ZRANB3: variants seen among roughly 807,000 people sequenced by gnomAD.
ZRANB3 encodes DNA annealing helicase and endonuclease ZRANB3.
ZRANB3 carries 125 observed loss-of-function variants against 133.8 expected under a neutral mutation model. The observed-to-expected ratio is 0.93, with a 90% confidence interval of 0.81 to 1.08. The LOEUF is 1.08. ZRANB3 is among the 50% of genes least tolerant of loss of function. ZRANB3 has a pLI of 0.00. For missense variants in ZRANB3, 1,229 were observed against 1,275.5 expected (o/e 0.96, Z 0.56); for synonymous variants, 387 against 432.7 (o/e 0.89, Z 1.31).
chr2:135,202,665 C>T (rs1693671691), intron 20 of ZRANB3, 167 bp downstream of exon 20: 3 of 699,608 alleles, frequency 4.3e-6, no homozygotes, highest in African/African-American at 3.6e-5. Context: ...GCATCTGTGA[C>T]ACGGGCCTTG....
chr2:135,367,928 T>A (rs1211263858), intron 3 of ZRANB3, among the ~76,000 whole-genome samples: 2 of 152,164 alleles, frequency 1.3e-5, no homozygotes, highest in Non-Finnish European at 2.9e-5. Context: ...TAACCAATAA[T>A]AACAGGTTAT....
chr2:135,213,437 A>C (rs1157540647), intron 17 of ZRANB3, among the ~76,000 whole-genome samples: 1 of 152,154 alleles, frequency 6.6e-6, no homozygotes, highest in Admixed American at 6.5e-5. Flanking sequence ...ATTCCAAATT[A>C]CTGAGACTTA....
chr2:135,287,462 T>G (rs1206158826), intron 8 of ZRANB3, among the ~76,000 whole-genome samples: 1 of 152,166 alleles, frequency 6.6e-6, no homozygotes. Context: ...TGAAGAATGA[T>G]GATGGTTATT....
chr2:135,446,240 G>C (rs1161992934), intron 2 of ZRANB3, among the ~76,000 whole-genome samples: 1 of 151,776 alleles, frequency 6.6e-6, no homozygotes, highest in African/African-American at 2.4e-5. Context: ...TTGTATGACA[G>C]AATCAACAGA....
At chr2:135,254,743 T>C (rs77111158) in intron 12 of ZRANB3, among the ~76,000 whole-genome samples, 16,469 of 152,126 alleles carry the variant, frequency 0.11, 1,142 homozygotes, top group South Asian at 0.32. Context: ...TGTTTAATTG[T>C]AGAACATTTT....
intron 6 of ZRANB3, among the ~76,000 whole-genome samples, chr2:135,325,662 T>A (rs757246946): frequency 2.6e-5 from 4 of 152,196 alleles, no homozygotes; most frequent in South Asian, 2.1e-4. Flanking sequence ...CCAAAAGTGC[T>A]GGGATTATGG....
At chr2:135,528,889 CAA>C (rs1455136419) in intron 1 of ZRANB3, among the ~76,000 whole-genome samples, 2 of 152,112 alleles carry the variant, frequency 1.3e-5, no homozygotes, top group Non-Finnish European at 2.9e-5. Context: ...AAAAACAATG[CAA>C]AGAGGAAAAC....
chr2:135,238,120 A>T (rs1695383892), intron 12 of ZRANB3, among the ~76,000 whole-genome samples: 1 of 152,224 alleles, frequency 6.6e-6, no homozygotes, highest in Non-Finnish European at 1.5e-5. Flanking sequence ...TAAGTAGGAT[A>T]CCTATCTCCA....
chr2:135,488,691 T>C (rs1692235213), intron 2 of ZRANB3, among the ~76,000 whole-genome samples: 2 of 151,412 alleles, frequency 1.3e-5, no homozygotes, highest in Admixed American at 1.3e-4. Context: ...GCACAATATA[T>C]ACAAAGCACA....
intron 11 of ZRANB3, among the ~76,000 whole-genome samples, chr2:135,268,072 A>ACTTCTGTTATTTAT (rs1680329977): frequency 6.6e-6 from 1 of 152,204 alleles, no homozygotes; most frequent in African/African-American, 2.4e-5. Flanking sequence ...TATGAGAAAT[A>ACTTCTGTTATTTAT]AATTTCTGTT....
chr2:135,447,033 C>A (rs570020967), intron 2 of ZRANB3, among the ~76,000 whole-genome samples: 2 of 151,676 alleles, frequency 1.3e-5, no homozygotes, highest in South Asian at 4.2e-4. Context: ...TTGTTTCAAC[C>A]CTTTTTATTT....
chr2:135,460,369 C>T (rs955746541), intron 2 of ZRANB3, among the ~76,000 whole-genome samples: 1 of 151,800 alleles, frequency 6.6e-6, no homozygotes, highest in African/African-American at 2.4e-5. Flanking sequence ...TCAAGCGATT[C>T]TCCTGCTTCA....
intron 12 of ZRANB3, among the ~76,000 whole-genome samples, chr2:135,231,996 C>T (rs180804911): frequency 2.0e-4 from 31 of 152,266 alleles, no homozygotes; most frequent in African/African-American, 7.0e-4. Flanking sequence ...GGCGAGGCAT[C>T]GACTCACCCG....
intron 8 of ZRANB3, among the ~76,000 whole-genome samples, chr2:135,283,553 G>T (rs1178621304): frequency 6.6e-6 from 1 of 151,094 alleles, no homozygotes; most frequent in Non-Finnish European, 1.5e-5. Context: ...GAGGTTACAG[G>T]TTGCAGTGAA....
intron 8 of ZRANB3, among the ~76,000 whole-genome samples, chr2:135,299,185 C>T (rs1682313958): frequency 6.6e-6 from 1 of 152,136 alleles, no homozygotes; most frequent in Admixed American, 6.5e-5. Flanking sequence ...GCTGCATCCA[C>T]TGTGGGGGCT....
intron 2 of ZRANB3, among the ~76,000 whole-genome samples, chr2:135,487,690 C>T (rs960519714): frequency 6.6e-6 from 1 of 152,190 alleles, no homozygotes; most frequent in African/African-American, 2.4e-5. Flanking sequence ...TTTTCTTCTG[C>T]AGGTTTCTCA....
chr2:135,471,789 T>A (rs1295849628), intron 2 of ZRANB3, among the ~76,000 whole-genome samples: 1 of 152,194 alleles, frequency 6.6e-6, no homozygotes, highest in African/African-American at 2.4e-5. Context: ...TTACCACAAA[T>A]ACAAAGGGAA....
chr2:135,354,976 C>T (rs1685366231), intron 3 of ZRANB3, among the ~76,000 whole-genome samples: 1 of 151,660 alleles, frequency 6.6e-6, no homozygotes, highest in African/African-American at 2.4e-5. Context: ...GAAAGAGAGA[C>T]TAAAAGACAG....
At chr2:135,360,573 T>C (rs986935357) in intron 3 of ZRANB3, among the ~76,000 whole-genome samples, 16 of 138,458 alleles carry the variant, frequency 1.2e-4, no homozygotes, top group South Asian at 2.4e-4. Flanking sequence ...AGCGTGGTGG[T>C]GAGCACCTGT....
Sources: allele counts gnomAD v4.1 joint callset (sites outside exome capture counted in the v4.1 genomes callset), GRCh38; gene constraint gnomAD v4.1.1; transcripts MANE v1.5; gene names NCBI Gene and HGNC (gene_info 2026-07-23, HGNC 2026-07-21).